Variants in ATP11C observed in about 807,000 individuals in gnomAD.
ATP11C encodes the protein phospholipid-transporting ATPase IG.
ATP11C carries 36 observed loss-of-function variants against 97.4 expected under a neutral mutation model. The ratio of observed to expected loss-of-function variants is 0.37; its 90% CI spans 0.28 to 0.49. The LOEUF (loss-of-function observed/expected upper bound fraction) is 0.49. ATP11C is among the 20% of genes least tolerant of loss of function. The pLI, the probability that ATP11C is intolerant of heterozygous loss-of-function variation, is 0.98. For missense variants in ATP11C, 730 were observed against 824.6 expected (o/e 0.89, Z 1.40); for synonymous variants, 275 against 290.9 (o/e 0.95, Z 0.56).
intron 1 of ATP11C, among the ~76,000 whole-genome samples, chrX:139,833,258 G>A (rs923031628): frequency 1.8e-5 from 2 of 112,005 alleles, no homozygotes; most frequent in African/African-American, 3.2e-5. Context: ...AAAACTGCCC[G>A]AGCTGTAAAT....
At chrX:139,926,939 C>T (rs1408152199) in intron 1 of ATP11C, among the ~76,000 whole-genome samples, 1 of 112,014 alleles carries the variant, frequency 8.9e-6, no homozygotes, top group African/African-American at 3.2e-5. Context: ...GTTTGCCATG[C>T]GTAGGTCAGA....
rs944242266 is a variant in ATP11C, at chrX:139,750,630, T to G, written c.2701-478A>C. Reference sequence around the variant, plus strand: ...TGTGTAAGTCTTTTCTAACATCCTCTTCCTGAGAAGTCCCACAGTTCCTCA... The same window carrying G: ...TGTGTAAGTCTTTTCTAACATCCTCGTCCTGAGAAGTCCCACAGTTCCTCA... On this transcript the variant is annotated intron_variant, in intron 23 of 29. Coordinates refer to ENST00000682941, the MANE Select transcript of ATP11C (RefSeq NM_001353812.2). Among the ~76,000 whole-genome samples the G allele has an allele frequency of 2.7e-5, 3 of 111,912 alleles. No homozygotes were observed. The Admixed American group carries it at 2.9e-4, about 11-fold the overall frequency.
At chrX:139,857,240 T>G (rs1000432917) in intron 1 of ATP11C, among the ~76,000 whole-genome samples, 5 of 111,417 alleles carry the variant, frequency 4.5e-5, no homozygotes, top group Admixed American at 9.6e-5. Flanking sequence ...CAGAGAAGCT[T>G]CTTCTTTTAG....
At chrX:139,860,596 T>A (rs1569481569) in intron 1 of ATP11C, among the ~76,000 whole-genome samples, 2 of 111,425 alleles carry the variant, frequency 1.8e-5, no homozygotes, top group African/African-American at 3.3e-5. Flanking sequence ...GGGAGGTGGA[T>A]CACCTGAAGT....
At chrX:139,740,215 AAAAAACAACTCT>A (rs2081527885) in intron 27 of ATP11C, among the ~76,000 whole-genome samples, 1 of 111,805 alleles carries the variant, frequency 8.9e-6, no homozygotes, top group African/African-American at 3.2e-5. Context: ...CATTCACTAA[AAAAAACAACTCT>A]GACATTTAAA....
chrX:139,923,367 T>C (rs2041490155), intron 1 of ATP11C, among the ~76,000 whole-genome samples: 1 of 111,463 alleles, frequency 9.0e-6, no homozygotes, highest in Non-Finnish European at 1.9e-5. Flanking sequence ...GCACTTACTG[T>C]GTATGTCCTT....
At chrX:139,905,836 T>C (rs747408972) in intron 1 of ATP11C, among the ~76,000 whole-genome samples, 1 of 111,800 alleles carries the variant, frequency 8.9e-6, no homozygotes, top group East Asian at 2.8e-4. Flanking sequence ...AGGGCAAAAA[T>C]GAATGGAAGA....
At chrX:139,919,494 A>C (rs1045493771) in intron 1 of ATP11C, among the ~76,000 whole-genome samples, 17 of 92,376 alleles carry the variant, frequency 1.8e-4, no homozygotes, top group Non-Finnish European at 2.2e-4. Context: ...CACACACACA[A>C]ACTACTTATT....
At chrX:139,894,523 G>A (rs1350799399) in intron 1 of ATP11C, among the ~76,000 whole-genome samples, 1 of 111,404 alleles carries the variant, frequency 9.0e-6, no homozygotes, top group Non-Finnish European at 1.9e-5. Context: ...GTTGATTAAT[G>A]GGTACAAATA....
At chrX:139,878,065 A>C (rs148469519) in intron 1 of ATP11C, among the ~76,000 whole-genome samples, 10 of 112,055 alleles carry the variant, frequency 8.9e-5, no homozygotes, top group African/African-American at 2.6e-4. Context: ...GGCTAAAAAA[A>C]ATGGGTTTTA....
intron 1 of ATP11C, among the ~76,000 whole-genome samples, chrX:139,865,543 C>T (rs911090540): frequency 3.6e-5 from 4 of 110,437 alleles, no homozygotes; most frequent in Non-Finnish European, 7.6e-5. Flanking sequence ...GGGCGGATCA[C>T]GAGGTCAAGA....
chrX:139,868,771 C>CA (rs1469228666), intron 1 of ATP11C, among the ~76,000 whole-genome samples: 1 of 108,808 alleles, frequency 9.2e-6, no homozygotes, highest in African/African-American at 3.3e-5. Flanking sequence ...AACATAATAG[C>CA]AAAAAACCAA....
intron 1 of ATP11C, among the ~76,000 whole-genome samples, chrX:139,901,436 A>G (rs2084897988): frequency 8.9e-6 from 1 of 111,750 alleles, no homozygotes; most frequent in Non-Finnish European, 1.9e-5. Flanking sequence ...AAAATGCCAG[A>G]AAGAACTGTT....
chrX:139,844,037 T>C (rs1466616776), intron 1 of ATP11C, among the ~76,000 whole-genome samples: 1 of 111,929 alleles, frequency 8.9e-6, no homozygotes, highest in African/African-American at 3.2e-5. Context: ...AACATTAACT[T>C]TGTTTAACTA....
chrX:139,797,732 G>A (rs1434620418), intron 10 of ATP11C, among the ~76,000 whole-genome samples: 1 of 111,227 alleles, frequency 9.0e-6, no homozygotes. Context: ...CCTCAAGCTC[G>A]GTGTAGGTTC....
chrX:139,929,601 A>C (rs772939836), intron 1 of ATP11C, among the ~76,000 whole-genome samples: 3 of 111,757 alleles, frequency 2.7e-5, no homozygotes, highest in African/African-American at 9.7e-5. Context: ...ACACCACTGT[A>C]ATTTATTTCA....
At chrX:139,762,191 T>C in intron 21 of ATP11C, 85 bp from the exon 22 acceptor site, 1 of 793,359 alleles carries the variant, frequency 1.3e-6, no homozygotes, top group Non-Finnish European at 1.8e-6. Context: ...CTTGGTTTAA[T>C]GTTATAGTTC....
At chrX:139,815,438 T>C (rs1367802220) in intron 4 of ATP11C, among the ~76,000 whole-genome samples, 1 of 112,190 alleles carries the variant, frequency 8.9e-6, no homozygotes, top group East Asian at 2.8e-4. Flanking sequence ...AGTATTTTAA[T>C]TATTTCTCAC....
intron 23 of ATP11C, among the ~76,000 whole-genome samples, chrX:139,751,218 C>T (rs760947848): frequency 8.9e-6 from 1 of 111,823 alleles, no homozygotes; most frequent in South Asian, 3.7e-4. Flanking sequence ...GGGACAGAGA[C>T]GATTCCTCCC....
Sources: gnomAD v4.1 joint callset for allele counts (sites outside exome capture counted in the v4.1 genomes callset) on GRCh38, gnomAD v4.1.1 for gene constraint, MANE v1.5 for transcripts, NCBI Gene and HGNC (gene_info 2026-07-23, HGNC 2026-07-21) for gene names.